Variants in CFAP61 observed in about 807,000 individuals in gnomAD.
CFAP61 encodes the protein cilia and flagella associated protein 61.
A neutral mutation model predicts 135.6 loss-of-function variants in CFAP61; 107 were observed. The observed-to-expected ratio is 0.79, with a 90% CI of 0.67 to 0.93. The LOEUF (loss-of-function observed/expected upper bound fraction) is 0.93. CFAP61 is among the 40% of genes least tolerant of loss of function. CFAP61 has a pLI of 0.00. For synonymous variants in CFAP61, 575 were observed against 578.5 expected, an observed-to-expected ratio of 0.99 and a Z score of 0.09; for missense variants, 1,507 against 1,556.2, an observed-to-expected ratio of 0.97 and a Z score of 0.53.
chr20:20,340,862 C>T (rs888636867), intron 25 of CFAP61, among the ~76,000 whole-genome samples: 4 of 152,050 alleles, frequency 2.6e-5, no homozygotes, highest in Admixed American at 2.0e-4. Context: ...AGCGAGTGGG[C>T]GTGGGGTGAG....
chr20:20,242,324 C>T (rs1482068575), intron 18 of CFAP61, among the ~76,000 whole-genome samples: 3 of 152,176 alleles, frequency 2.0e-5, no homozygotes, highest in Non-Finnish European at 4.4e-5. Context: ...ATGAAAAGAT[C>T]AGCTCACCCA....
At chr20:20,272,389 G>A (rs780541860) in intron 21 of CFAP61, among the ~76,000 whole-genome samples, 16 of 152,198 alleles carry the variant, frequency 1.1e-4, no homozygotes, top group Non-Finnish European at 1.9e-4. Context: ...TGGTGCCACT[G>A]CACTCCAGCC....
chr20:20,143,060 G>A (rs185984092), intron 9 of CFAP61, 112 bp downstream of exon 9: 159 of 654,414 alleles, frequency 2.4e-4, no homozygotes, highest in Non-Finnish European at 3.8e-4. Context: ...TCTAATGCCT[G>A]ATGCAGAAAA....
Position 20,267,893 on chromosome 20 carries a change from C to T in CFAP61, c.2503+4763C>T, listed in dbSNP as rs1279322947. On this transcript the variant is annotated intron_variant, in intron 21 of 26. Coordinates refer to ENST00000245957, the MANE Select transcript of CFAP61 (RefSeq NM_015585.4). ...GCATGCATTTCCGGAGGCTCCACCCCAATGTGCAGGCTGGTTGGAGTTTTT... is the reference window on the plus strand; with the variant it reads ...GCATGCATTTCCGGAGGCTCCACCCTAATGTGCAGGCTGGTTGGAGTTTTT... 2.6e-5 allele frequency: 4 copies of T among 152,210 alleles called. No homozygotes were observed. In the East Asian group the frequency reaches 7.7e-4, roughly 29 times the overall value. 9.4% of individuals were successfully genotyped at this position (152,210 alleles called of 1,614,324 possible).
chr20:20,096,440 C>T (rs891251602), intron 7 of CFAP61, among the ~76,000 whole-genome samples: 1 of 152,216 alleles, frequency 6.6e-6, no homozygotes, highest in Non-Finnish European at 1.5e-5. Context: ...AATGTGTGAT[C>T]CATGCCATTT....
chr20:20,322,378 C>T (rs1430859536), intron 25 of CFAP61, among the ~76,000 whole-genome samples: 1 of 152,132 alleles, frequency 6.6e-6, no homozygotes, highest in Non-Finnish European at 1.5e-5. Context: ...GGGGGCCTAC[C>T]CCCACAAAGA....
chr20:20,064,031 A>AACCC lies in CFAP61; in HGVS notation c.144-6820_144-6819insCACC, dbSNP rs1555833215. On this transcript the variant is annotated intron_variant, in intron 2 of 26. Coordinates refer to ENST00000245957, the MANE Select transcript of CFAP61 (RefSeq NM_015585.4). ...ACATTAAGGAAAGCCTAAATAGAGT[A>AACCC]ACCGCCCCCCACCCCGCCTTATCTG... Among the ~76,000 whole-genome samples, 14 of 95,916 alleles carry AACCC rather than the reference A, an allele frequency of 1.5e-4. 1 individual carries two copies. The highest frequency in any genetic ancestry group is 2.3e-4 in the Admixed American group (2 of 8,530). 62.9% of individuals were successfully genotyped at this position (95,916 alleles called of 152,430 possible). A position where few individuals can be genotyped will look rare whatever the true frequency, so the allele number is the denominator to read the frequency against.
chr20:20,294,104 A>G (rs2055205799), intron 24 of CFAP61, among the ~76,000 whole-genome samples: 1 of 152,260 alleles, frequency 6.6e-6, no homozygotes, highest in Non-Finnish European at 1.5e-5. Context: ...TCGTATACTT[A>G]AAATAGGGGA....
chr20:20,183,963 A>G (rs1483082490), intron 13 of CFAP61, among the ~76,000 whole-genome samples: 1 of 152,206 alleles, frequency 6.6e-6, no homozygotes, highest in African/African-American at 2.4e-5. Context: ...TGAATGCAAA[A>G]TGGTTGTGAC....
intron 22 of CFAP61, among the ~76,000 whole-genome samples, chr20:20,279,306 A>G (rs2054004227): frequency 6.6e-6 from 1 of 152,178 alleles, no homozygotes; most frequent in Non-Finnish European, 1.5e-5. Context: ...TTGACTCTCC[A>G]AAAACTTAGC....
chr20:20,071,524 C>T lies in CFAP61; in HGVS notation c.294+520C>T, dbSNP rs79978703. The stretch of plus-strand genomic sequence containing the variant: ...GGTTAGTGGTTCCCAGGAGTCTGGC[C>T]TGGGTACCTGATGCCAAGTCTGAGC... On this transcript the variant is annotated intron_variant, in intron 3 of 26. Coordinates refer to ENST00000245957, the MANE Select transcript of CFAP61 (RefSeq NM_015585.4). Among the ~76,000 whole-genome samples the T allele has an allele frequency of 4.9e-3, 743 of 152,288 alleles. 8 individuals are homozygous for T. The highest frequency in any genetic ancestry group is 0.017 in the African/African-American group (706 of 41,560).
chr20:20,081,636 T>C (rs1186392912), intron 6 of CFAP61, among the ~76,000 whole-genome samples: 1 of 152,190 alleles, frequency 6.6e-6, no homozygotes, highest in East Asian at 1.9e-4. Context: ...GGTCTCCCTT[T>C]CTGCCTCCTT....
chr20:20,085,296 G>A, intron 6 of CFAP61: 1 of 985,328 alleles, frequency 1.0e-6, no homozygotes, highest in Middle Eastern at 5.2e-4. Context: ...TAGCTGGGGT[G>A]TTTTGTTTCT....
intron 8 of CFAP61, among the ~76,000 whole-genome samples, chr20:20,099,871 G>A (rs552853473): frequency 6.6e-6 from 1 of 152,284 alleles, no homozygotes; most frequent in South Asian, 2.1e-4. Context: ...CTTATCCCCT[G>A]AATGCATAAA....
chr20:20,219,331 A>T (rs1032347344), intron 17 of CFAP61, among the ~76,000 whole-genome samples: 51 of 151,906 alleles, frequency 3.4e-4, no homozygotes, highest in Non-Finnish European at 2.6e-4. Flanking sequence ...TTATCCCAAA[A>T]TTTTTTTTCC....
chr20:20,082,041 T>G (rs1181773288), intron 6 of CFAP61, among the ~76,000 whole-genome samples: 1 of 152,206 alleles, frequency 6.6e-6, no homozygotes, highest in Non-Finnish European at 1.5e-5. Context: ...CAGAATTTCA[T>G]GTATCTGGAG....
chr20:20,218,896 C>A (rs2048214239), intron 17 of CFAP61, among the ~76,000 whole-genome samples: 1 of 152,190 alleles, frequency 6.6e-6, no homozygotes, highest in Admixed American at 6.5e-5. Flanking sequence ...CATTCAGTTG[C>A]CTTCCCCACT....
chr20:20,175,484 T>G (rs2054544199), intron 13 of CFAP61, among the ~76,000 whole-genome samples: 2 of 139,720 alleles, frequency 1.4e-5, no homozygotes, highest in African/African-American at 5.5e-5. Context: ...CTGGTTTTTT[T>G]TTTGTTTTTG....
At chr20:20,280,420 C>T (rs2096690895) in intron 22 of CFAP61, among the ~76,000 whole-genome samples, 1 of 152,200 alleles carries the variant, frequency 6.6e-6, no homozygotes, top group Non-Finnish European at 1.5e-5. Flanking sequence ...TCTTGAGCTA[C>T]CCAGTTTGTG....
Sources: allele counts gnomAD v4.1 joint callset (sites outside exome capture counted in the v4.1 genomes callset), GRCh38; gene constraint gnomAD v4.1.1; transcripts MANE v1.5; gene names NCBI Gene and HGNC (gene_info 2026-07-23, HGNC 2026-07-21).